The following MEIS2 variants were observed in gnomAD, a reference collection of about 807,000 sequenced individuals.
MEIS2 encodes the protein homeobox protein Meis2.
In MEIS2, 9 loss-of-function variants were observed where a neutral mutation model predicts 58.6. The ratio of observed to expected loss-of-function variants is 0.15; its 90% confidence interval spans 0.09 to 0.27. MEIS2 has a LOEUF of 0.27. Ranked by LOEUF, MEIS2 falls within the 10% of genes least tolerant of loss-of-function variation. MEIS2 has a pLI of 1.00. For missense variants in MEIS2, 427 were observed against 635.0 expected (o/e 0.67, Z 3.52); for synonymous variants, 221 against 228.4 (o/e 0.97, Z 0.29).
intron 8 of MEIS2, among the ~76,000 whole-genome samples, chr15:36,956,955 G>T (rs1268612152): frequency 7.0e-6 from 1 of 142,180 alleles, no homozygotes; most frequent in Non-Finnish European, 1.5e-5. Context: ...AAAAGGAAAA[G>T]AATAAAAAAG....
chr15:36,937,024 G>A (rs1344494272), intron 9 of MEIS2, among the ~76,000 whole-genome samples: 1 of 152,162 alleles, frequency 6.6e-6, no homozygotes, highest in African/African-American at 2.4e-5. Flanking sequence ...CAACACAAAC[G>A]GTGAACAAGC....
intron 8 of MEIS2, among the ~76,000 whole-genome samples, chr15:36,995,315 A>T (rs1211377327): frequency 6.6e-6 from 1 of 152,204 alleles, no homozygotes; most frequent in East Asian, 1.9e-4. Context: ...AAGGAAGGCC[A>T]TATCCATGCA....
At chr15:36,953,546 C>T (rs17434975) in intron 8 of MEIS2, among the ~76,000 whole-genome samples, 33,107 of 152,048 alleles carry the variant, frequency 0.22, 4,483 homozygotes, top group Non-Finnish European at 0.32. Flanking sequence ...TAAGAGCACA[C>T]GTCATTGTAA....
At chr15:37,078,223 G>A (rs1891679017) in intron 7 of MEIS2, among the ~76,000 whole-genome samples, 2 of 151,984 alleles carry the variant, frequency 1.3e-5, no homozygotes, top group Admixed American at 1.3e-4. Flanking sequence ...GAACTGGACA[G>A]AGAAACCCTT....
chr15:36,970,276 C>T lies in MEIS2; in HGVS notation c.901-19876G>A, dbSNP rs567832536. Reference sequence around the variant, plus strand: ...AAAATTAGCCAGGCGTGGTGGCGGGCGCCTGTAGTCCCAGCTACTCGGGAG... The same window carrying T: ...AAAATTAGCCAGGCGTGGTGGCGGGTGCCTGTAGTCCCAGCTACTCGGGAG... On this transcript the variant is annotated intron_variant, in intron 8 of 11. Coordinates refer to ENST00000561208, the MANE Select transcript of MEIS2 (RefSeq NM_170675.5). Among the ~76,000 whole-genome samples, 1,186 of 151,922 alleles carry T rather than the reference C, an allele frequency of 7.8e-3. 16 individuals carry two copies. The highest frequency in any genetic ancestry group is 0.026 in the African/African-American group (1,082 of 41,436).
chr15:37,020,905 C>T (rs2061504903), intron 8 of MEIS2, among the ~76,000 whole-genome samples: 1 of 152,056 alleles, frequency 6.6e-6, no homozygotes, highest in Admixed American at 6.6e-5. Flanking sequence ...TGTGTTGAAA[C>T]CCCAGCCTCC....
At chr15:37,068,741 C>CT (rs886375568) in intron 7 of MEIS2, among the ~76,000 whole-genome samples, 9 of 148,422 alleles carry the variant, frequency 6.1e-5, no homozygotes, top group African/African-American at 1.2e-4. Flanking sequence ...TAAGTAAAAT[C>CT]TTTTTTTTTT....
intron 7 of MEIS2, among the ~76,000 whole-genome samples, chr15:37,045,781 G>A (rs764788577): frequency 6.6e-6 from 1 of 152,112 alleles, no homozygotes; most frequent in South Asian, 2.1e-4. Flanking sequence ...TTCATGGCCC[G>A]CTAGCATGGA....
rs17527568 is a variant in MEIS2 at position 37,012,242 on chromosome 15, A to G, written c.900+24572T>C. On this transcript the variant is annotated intron_variant, in intron 8 of 11. Transcript: ENST00000561208. ...ACATTGATGGGTACTTTGGTTCAAT[A>G]TAGCAGCAAGATTTTATAGAGGCTG... is the stretch of plus-strand genomic sequence containing the variant. Among the ~76,000 whole-genome samples the G allele has an allele frequency of 3.7e-3, 557 of 152,380 alleles. 3 individuals are homozygous for G. Among genetic ancestry groups the G allele is most frequent in the Admixed American group, 7.6e-3 (117 of 15,310 alleles).
chr15:37,000,693 T>C (rs372656976), intron 8 of MEIS2, among the ~76,000 whole-genome samples: 4 of 152,174 alleles, frequency 2.6e-5, no homozygotes, highest in African/African-American at 9.7e-5. Flanking sequence ...ATTTTTCCCA[T>C]CAATTTGCCC....
intron 9 of MEIS2, among the ~76,000 whole-genome samples, chr15:36,908,944 T>A: frequency 6.6e-6 from 1 of 151,826 alleles, no homozygotes; most frequent in African/African-American, 2.4e-5. Flanking sequence ...CATCTCAAAA[T>A]AATAATAATA....
intron 7 of MEIS2, among the ~76,000 whole-genome samples, chr15:37,061,263 A>G (rs2141841188): frequency 6.6e-6 from 1 of 152,292 alleles, no homozygotes; most frequent in South Asian, 2.1e-4. Flanking sequence ...GATGGGGATT[A>G]AAGGGATTGG....
At chr15:37,057,190 T>G (rs1253556345) in intron 7 of MEIS2, among the ~76,000 whole-genome samples, 1 of 152,180 alleles carries the variant, frequency 6.6e-6, no homozygotes, top group Non-Finnish European at 1.5e-5. Flanking sequence ...CTTTAGTAAT[T>G]AATTCTTTTT....
chr15:37,015,618 A>T (rs2061326048), intron 8 of MEIS2, among the ~76,000 whole-genome samples: 1 of 152,034 alleles, frequency 6.6e-6, no homozygotes, highest in East Asian at 1.9e-4. Context: ...CAGGGGGAGC[A>T]TCTGGGAGCT....
chr15:37,093,432 A>G, intron 6 of MEIS2, 149 bp downstream of exon 6: 1 of 1,017,270 alleles, frequency 9.8e-7, no homozygotes, highest in East Asian at 2.6e-5. Flanking sequence ...AGGGTATGGC[A>G]GAGAAAGCAA....
intron 7 of MEIS2, among the ~76,000 whole-genome samples, chr15:37,043,133 A>C (rs1277974625): frequency 2.0e-5 from 3 of 152,230 alleles, no homozygotes; most frequent in Non-Finnish European, 4.4e-5. Context: ...TTTGGTTAAC[A>C]GTACTGGTAC....
chr15:37,077,983 T>C (rs1028729937), intron 7 of MEIS2, among the ~76,000 whole-genome samples: 2 of 152,074 alleles, frequency 1.3e-5, no homozygotes. Context: ...GGGATACATT[T>C]AAAAACTATG....
intron 8 of MEIS2, among the ~76,000 whole-genome samples, chr15:37,027,468 C>T (rs2061745004): frequency 6.6e-6 from 1 of 152,096 alleles, no homozygotes; most frequent in African/African-American, 2.4e-5. Context: ...GGAAATTTTC[C>T]CTATGATCTG....
intron 4 of MEIS2, chr15:37,094,929 T>A (rs1270606863): frequency 2.5e-5 from 4 of 157,502 alleles, no homozygotes; most frequent in Non-Finnish European, 5.4e-5. Context: ...AGGACAACTT[T>A]TTTTTTTTTC....
Sources: allele counts gnomAD v4.1 joint callset (sites outside exome capture counted in the v4.1 genomes callset), GRCh38; gene constraint gnomAD v4.1.1; transcripts MANE v1.5; gene names NCBI Gene and HGNC (gene_info 2026-07-23, HGNC 2026-07-21).